Variants in ATP8A2 observed in about 807,000 individuals in gnomAD.
ATP8A2 encodes ATPase phospholipid transporting 8A2.
ATP8A2 carries 100 observed loss-of-function variants against 165.6 expected under a neutral mutation model. The ratio of observed to expected loss-of-function variants is 0.60; its 90% confidence interval spans 0.51 to 0.71. The LOEUF (loss-of-function observed/expected upper bound fraction) is 0.71. Among genes scored for constraint, ATP8A2 ranks in the 30% least tolerant of loss-of-function variants. The pLI is 0.00. For synonymous variants in ATP8A2, 543 were observed against 548.8 expected, an observed-to-expected ratio of 0.99 and a Z score of 0.15; for missense variants, 1,227 against 1,479.5, an observed-to-expected ratio of 0.83 and a Z score of 2.80.
intron 1 of ATP8A2, among the ~76,000 whole-genome samples, chr13:25,455,944 A>G (rs900642160): frequency 6.6e-6 from 1 of 152,124 alleles, no homozygotes; most frequent in African/African-American, 2.4e-5. Context: ...TCCTCTTCAG[A>G]GAAGTGTCGT....
chr13:25,869,785 G>A (rs548668698), intron 33 of ATP8A2, among the ~76,000 whole-genome samples: 1 of 152,202 alleles, frequency 6.6e-6, no homozygotes, highest in African/African-American at 2.4e-5. Flanking sequence ...TGGGCAGGCT[G>A]TGGGGTTCTG....
intron 33 of ATP8A2, among the ~76,000 whole-genome samples, chr13:25,952,438 T>C (rs966333758): frequency 2.0e-5 from 3 of 151,896 alleles, no homozygotes; most frequent in Admixed American, 2.0e-4. Flanking sequence ...TGGAGTGCAG[T>C]GGCACAATCA....
chr13:26,003,734 A>T (rs551329270), intron 35 of ATP8A2, among the ~76,000 whole-genome samples: 1 of 152,152 alleles, frequency 6.6e-6, no homozygotes, highest in East Asian at 1.9e-4. Context: ...ATTCTTCTGC[A>T]TGTGAATATC....
intron 33 of ATP8A2, among the ~76,000 whole-genome samples, chr13:25,946,398 A>G (rs1955211823): frequency 6.6e-6 from 1 of 152,190 alleles, no homozygotes; most frequent in African/African-American, 2.4e-5. Flanking sequence ...CAGTGACCAC[A>G]AGCAAGAGAA....
At chr13:25,958,314 T>A (rs1055316415) in intron 33 of ATP8A2, among the ~76,000 whole-genome samples, 5 of 143,448 alleles carry the variant, frequency 3.5e-5, no homozygotes, top group African/African-American at 5.1e-5. Context: ...AAAAAAAAAA[T>A]TAACCTTTTC....
chr13:25,472,791 C>T (rs2137538563), intron 2 of ATP8A2, among the ~76,000 whole-genome samples: 2 of 152,286 alleles, frequency 1.3e-5, no homozygotes, highest in East Asian at 3.9e-4. Flanking sequence ...CCTTGTTGTA[C>T]TCCTTGGCAG....
At chr13:25,431,086 C>G (rs1026141759) in intron 1 of ATP8A2, among the ~76,000 whole-genome samples, 4 of 152,066 alleles carry the variant, frequency 2.6e-5, no homozygotes, top group Admixed American at 6.5e-5. Context: ...GATAACATAG[C>G]CTTTGAATGG....
At position 25,712,650 on chromosome 13, in the gene ATP8A2, C is replaced by T. The variant is rs940297193; in HGVS notation, c.2384+13305C>T. ...TCAGTGATTCCACGAGTGTGTAACACGAGACAAAAGACATAATAAAAGCCA... is the reference window on the plus strand; with the variant it reads ...TCAGTGATTCCACGAGTGTGTAACATGAGACAAAAGACATAATAAAAGCCA... On this transcript the variant is annotated intron_variant, in intron 25 of 36. Coordinates refer to ENST00000381655, the MANE Select transcript of ATP8A2 (RefSeq NM_016529.6). Among the ~76,000 whole-genome samples, 6 of 152,254 alleles carry T rather than the reference C, an allele frequency of 3.9e-5. No homozygotes were observed. The East Asian group carries it at 5.8e-4, about 15-fold the overall frequency.
chr13:25,754,805 C>G (rs1387843068), intron 25 of ATP8A2, among the ~76,000 whole-genome samples: 2 of 152,080 alleles, frequency 1.3e-5, no homozygotes. Context: ...GGATTTTAGG[C>G]TAAGAAAAAT....
rs116808292 is a variant in ATP8A2, at chr13:26,018,511, G to A, written c.3470-1377G>A. Among the ~76,000 whole-genome samples, 181 of 152,294 alleles carry A rather than the reference G, an allele frequency of 1.2e-3. 2 individuals carry two copies. Among genetic ancestry groups the A allele is most frequent in the African/African-American group, 4.1e-3 (171 of 41,568 alleles). On this transcript the variant is annotated intron_variant, in intron 36 of 36. Coordinates refer to ENST00000381655, the MANE Select transcript of ATP8A2 (RefSeq NM_016529.6). ...TCACAGCTCCCCTGATAAGTTGTAC[G>A]CATGCATGGATGGAATTCAAGATTG...
chr13:25,509,488 T>C (rs925854855), intron 2 of ATP8A2, among the ~76,000 whole-genome samples: 10 of 151,980 alleles, frequency 6.6e-5, no homozygotes, highest in Non-Finnish European at 1.3e-4. Context: ...TATTATGGAC[T>C]ATTAATATTA....
chr13:25,726,072 A>G (rs773435236), intron 25 of ATP8A2, among the ~76,000 whole-genome samples: 3 of 152,156 alleles, frequency 2.0e-5, no homozygotes, highest in Middle Eastern at 3.2e-3. Flanking sequence ...AAGGTGAAAT[A>G]TTTTGGACCC....
At chr13:25,900,024 C>T (rs977265959) in intron 33 of ATP8A2, among the ~76,000 whole-genome samples, 5 of 152,082 alleles carry the variant, frequency 3.3e-5, no homozygotes, top group Admixed American at 6.5e-5. Context: ...GGAGTAGAAG[C>T]TGTCAACTGA....
intron 26 of ATP8A2, among the ~76,000 whole-genome samples, chr13:25,772,351 A>G (rs2044640224): frequency 6.6e-6 from 1 of 152,116 alleles, no homozygotes; most frequent in African/African-American, 2.4e-5. Context: ...ACTCAAGCAG[A>G]TGTTTTCTGT....
chr13:25,608,404 A>G (rs2040573595), intron 24 of ATP8A2, among the ~76,000 whole-genome samples: 1 of 152,240 alleles, frequency 6.6e-6, no homozygotes, highest in Non-Finnish European at 1.5e-5. Flanking sequence ...ACATAGGATT[A>G]CATGACAGTA....
At chr13:25,771,833 A>G (rs2044626496) in intron 26 of ATP8A2, among the ~76,000 whole-genome samples, 2 of 152,216 alleles carry the variant, frequency 1.3e-5, no homozygotes, top group Non-Finnish European at 2.9e-5. Context: ...CTTAGTCACC[A>G]TGCCAGAAAA....
At chr13:25,422,219 AATAC>A (rs1387786577) in intron 1 of ATP8A2, among the ~76,000 whole-genome samples, 1 of 152,226 alleles carries the variant, frequency 6.6e-6, no homozygotes, top group African/African-American at 2.4e-5. Flanking sequence ...GGACTTAGTA[AATAC>A]ATACAGAGGC....
At chr13:25,989,439 T>G (rs1196071629) in intron 35 of ATP8A2, among the ~76,000 whole-genome samples, 1 of 152,224 alleles carries the variant, frequency 6.6e-6, no homozygotes, top group African/African-American at 2.4e-5. Flanking sequence ...CATACAAGGA[T>G]AAGTTCACAT....
chr13:25,795,009 A>G (rs996703083), intron 27 of ATP8A2, among the ~76,000 whole-genome samples: 1 of 152,160 alleles, frequency 6.6e-6, no homozygotes, highest in Non-Finnish European at 1.5e-5. Flanking sequence ...CCAGCCATCC[A>G]TGACTGAGTT....
Sources: allele counts gnomAD v4.1 joint callset (sites outside exome capture counted in the v4.1 genomes callset), GRCh38; gene constraint gnomAD v4.1.1; transcripts MANE v1.5; gene names NCBI Gene and HGNC (gene_info 2026-07-23, HGNC 2026-07-21).